The following CDKL3 variants were observed in gnomAD, a reference collection of about 807,000 sequenced individuals.
The protein encoded by CDKL3 is cyclin-dependent kinase-like 3.
A neutral mutation model predicts 69.3 loss-of-function variants in CDKL3; 65 were observed. That is an observed-to-expected ratio of 0.94 (90% confidence interval 0.77 to 1.15). CDKL3 has a LOEUF of 1.15. Among genes scored for constraint, CDKL3 ranks in the 50% most tolerant of loss-of-function variants. CDKL3 has a pLI of 0.00. For synonymous variants in CDKL3, 202 were observed against 221.6 expected, an observed-to-expected ratio of 0.91 and a Z score of 0.79; for missense variants, 652 against 689.2, an observed-to-expected ratio of 0.95 and a Z score of 0.61.
At chr5:134,295,001 ATTT>A (rs1171203504), downstream of CDKL3, among the ~76,000 whole-genome samples, 1 of 131,778 alleles carries the variant, frequency 7.6e-6, no homozygotes, top group Non-Finnish European at 1.6e-5. Context: ...GGAAGACTTG[ATTT>A]TTTTTTCTTT....
At chr5:134,344,609 C>T (rs1261845763) in intron 4 of CDKL3, among the ~76,000 whole-genome samples, 1 of 152,186 alleles carries the variant, frequency 6.6e-6, no homozygotes, top group Non-Finnish European at 1.5e-5. Flanking sequence ...TACCACTTCA[C>T]ACCCATTAGA....
At chr5:134,290,339 G>A (rs960181476) in intron 8 of CDKL3, among the ~76,000 whole-genome samples, 5 of 131,218 alleles carry the variant, frequency 3.8e-5, no homozygotes, top group African/African-American at 1.1e-4. Context: ...TGGTGACAGA[G>A]TGAGACTCTG....
At chr5:134,312,942 G>A (rs569021472) in intron 6 of CDKL3, among the ~76,000 whole-genome samples, 8 of 152,284 alleles carry the variant, frequency 5.3e-5, no homozygotes, top group African/African-American at 1.9e-4. Context: ...TGAATGTTAA[G>A]TTGTACATAA....
chr5:134,305,403 T>C (rs1767540489), intron 10 of CDKL3, among the ~76,000 whole-genome samples: 2 of 152,188 alleles, frequency 1.3e-5, no homozygotes, highest in South Asian at 2.1e-4. Flanking sequence ...TGAGAGCCAC[T>C]GTGCCTGGCC....
Position 134,350,298 on chromosome 5 carries a change from G to T in CDKL3, c.490C>A (p.Arg164Ser). ...ACTAATTCGGGAGCTCTATACCAGC[G>T]TGTGGCCACATAGTCCGTATAAATG... ...GDIYTDYVATRWYRAPELVLK... is the reference protein window; with the variant it reads ...GDIYTDYVATSWYRAPELVLK... The change falls in exon 4 of 13, where the codon CGC becomes AGC. Residue 164 changes from arginine (R) to serine (S), a missense_variant. Transcript: ENST00000265334. The T allele has an allele frequency of 1.3e-6, 2 of 1,592,982 alleles. No individual in the cohort carries two copies. The highest frequency in any genetic ancestry group is 8.6e-7 in the Non-Finnish European group (1 of 1,169,430).
chr5:134,321,388 T>C (rs1772747410), intron 5 of CDKL3, among the ~76,000 whole-genome samples: 1 of 152,122 alleles, frequency 6.6e-6, no homozygotes, highest in Non-Finnish European at 1.5e-5. Flanking sequence ...AGAAGGGTGG[T>C]TTCTGAGTAA....
At chr5:134,319,287 T>G in intron 6 of CDKL3, 71 bp downstream of exon 6, 1 of 1,177,302 alleles carries the variant, frequency 8.5e-7, no homozygotes, top group Non-Finnish European at 1.1e-6. Context: ...CCGAGATCAC[T>G]CCACTGCACT....
intron 8 of CDKL3, 41 bp downstream of exon 8, chr5:134,308,533 A>G (rs1037967682): frequency 3.9e-6 from 6 of 1,555,944 alleles, no homozygotes; most frequent in Non-Finnish European, 5.2e-6. Context: ...GTCTAACTAT[A>G]ATATAATTAT....
intron 4 of CDKL3, among the ~76,000 whole-genome samples, chr5:134,338,956 C>G (rs1452302046): frequency 1.3e-5 from 2 of 152,174 alleles, no homozygotes; most frequent in East Asian, 3.9e-4. Flanking sequence ...GAATTTGAGA[C>G]CAGCCTGGCC....
chr5:134,353,813 C>T (rs1023910316), intron 3 of CDKL3, among the ~76,000 whole-genome samples: 1 of 152,160 alleles, frequency 6.6e-6, no homozygotes, highest in Admixed American at 6.5e-5. Flanking sequence ...CCGCCTCGGC[C>T]TCCCAAAGTG....
At chr5:134,326,833 A>G (rs201289095) in intron 4 of CDKL3, among the ~76,000 whole-genome samples, 56,956 of 81,690 alleles carry the variant, frequency 0.7, 17,406 homozygotes, top group Non-Finnish European at 0.76. Flanking sequence ...ATATATATAT[A>G]TATATATATA....
chr5:134,314,946 A>G (rs192499835), intron 6 of CDKL3, among the ~76,000 whole-genome samples: 238 of 152,008 alleles, frequency 1.6e-3, no homozygotes, highest in African/African-American at 5.6e-3. Flanking sequence ...ATGCATCAAA[A>G]CTCTTCAAAT....
intron 10 of CDKL3, among the ~76,000 whole-genome samples, chr5:134,305,441 TA>T: frequency 6.6e-6 from 1 of 152,292 alleles, no homozygotes; most frequent in South Asian, 2.1e-4. Context: ...TTTTCATTTT[TA>T]ATACTATTCA....
upstream of CDKL3, chr5:134,371,024 GC>G (rs1758345708): frequency 6.0e-6 from 1 of 167,830 alleles, no homozygotes; most frequent in Non-Finnish European, 1.3e-5. Context: ...TCCAGGCGAG[GC>G]GCTCACGTGA....
chr5:134,355,235 GAAAAAAAA>G (rs60153337), intron 3 of CDKL3, among the ~76,000 whole-genome samples: 3 of 74,440 alleles, frequency 4.0e-5, no homozygotes, highest in Non-Finnish European at 8.8e-5. Flanking sequence ...TCTGTCTCAG[GAAAAAAAA>G]AAAAAAAAAA....
chr5:134,327,533 T>G (rs1182976651), intron 4 of CDKL3, among the ~76,000 whole-genome samples: 1 of 152,156 alleles, frequency 6.6e-6, no homozygotes, highest in Non-Finnish European at 1.5e-5. Flanking sequence ...AAAGGTATTC[T>G]CAACCACAGT....
Position 134,319,478 on chromosome 5 carries a change from C to G in CDKL3, c.672G>C (p.Leu224Phe). Residue 224 changes from leucine (L) to phenylalanine (F), a missense_variant, in exon 6 of 13, where the codon TTG becomes TTC. Coordinates refer to ENST00000265334, the MANE Select transcript of CDKL3 (RefSeq NM_001113575.2). Reference sequence around the variant, plus strand: ...TGGGGCTCTTGGAAAAGATATTCTGCAAGTGAGGTGACAAATTGCCTGAAA... The same window carrying G: ...TGGGGCTCTTGGAAAAGATATTCTGGAAGTGAGGTGACAAATTGCCTGAAA... ...VLKVGNLSPH[L>F]QNIFSKSPIF... 6.5e-7 allele frequency: 1 copy of G among 1,527,440 alleles called. No homozygotes were observed. Among genetic ancestry groups the G allele is most frequent in the Non-Finnish European group, 8.8e-7 (1 of 1,140,278 alleles). The allele number at this position is 1,527,440 out of a possible 1,614,324, so 94.6% of individuals were successfully genotyped here.
rs970473764 is a variant in CDKL3, at chr5:134,319,498, C to G, written c.653-1G>C. ...TTCTGCAAGTGAGGTGACAAATTGC[C>G]TGAAAAGAGAAAAAAATGTATATTT... On this transcript the variant is annotated splice_acceptor_variant, in intron 5 of 12. Coordinates refer to ENST00000265334, the MANE Select transcript of CDKL3 (RefSeq NM_001113575.2). LOFTEE classifies it high-confidence loss of function. The G allele has an allele frequency of 6.6e-7, 1 of 1,516,782 alleles. No homozygotes were observed. The highest frequency in any genetic ancestry group is 2.5e-5 in the East Asian group (1 of 40,240). 94.0% of individuals were successfully genotyped at this position (1,516,782 alleles called of 1,614,324 possible).
chr5:134,319,149 G>A (rs1346794539), intron 6 of CDKL3: 9 of 358,682 alleles, frequency 2.5e-5, no homozygotes, highest in South Asian at 4.8e-5. Context: ...CAGCCAACAC[G>A]GTGAAACCCC....
Sources: allele counts gnomAD v4.1 joint callset (sites outside exome capture counted in the v4.1 genomes callset), GRCh38; gene constraint gnomAD v4.1.1; transcripts MANE v1.5; gene names NCBI Gene and HGNC (gene_info 2026-07-23, HGNC 2026-07-21).